The following NPAT variants were observed in gnomAD, a reference collection of about 807,000 sequenced individuals.
NPAT encodes the protein protein NPAT.
A neutral mutation model predicts 130.7 loss-of-function variants in NPAT; 52 were observed. The ratio of observed to expected loss-of-function variants is 0.40; its 90% confidence interval spans 0.32 to 0.50. The LOEUF is 0.50. Among genes scored for constraint, NPAT ranks in the 20% least tolerant of loss-of-function variants. NPAT has a pLI of 0.68. For missense variants in NPAT, 1,687 were observed against 1,662.6 expected (o/e 1.01, Z -0.26); for synonymous variants, 580 against 584.8 (o/e 0.99, Z 0.12).
At position 108,186,463 on chromosome 11, in the gene NPAT, G is replaced by A. The variant is rs373053319; in HGVS notation, c.726+19C>T. The A allele has an allele frequency of 4.7e-5, 75 of 1,599,066 alleles. No individual in the cohort carries two copies. Among genetic ancestry groups the A allele is most frequent in the Non-Finnish European group, 6.1e-5 (71 of 1,166,456 alleles). On this transcript the variant is annotated intron_variant, in intron 8 of 17. Transcript: ENST00000278612. ...ACTCAGGAATATTTTAAGTTGCAAA[G>A]TTTGGCAGAGTCACTTACTTTTTCT...
chr11:108,217,291 G>A (rs879569896), intron 1 of NPAT, among the ~76,000 whole-genome samples: 11 of 152,124 alleles, frequency 7.2e-5, no homozygotes, highest in Non-Finnish European at 1.3e-4. Context: ...CCTTGAACTG[G>A]ACTAACTGGG....
At chr11:108,218,456 G>C (rs1296378092) in intron 1 of NPAT, among the ~76,000 whole-genome samples, 1 of 152,166 alleles carries the variant, frequency 6.6e-6, no homozygotes, top group Non-Finnish European at 1.5e-5. Context: ...AGAAAGATTA[G>C]TAATTTAATG....
chr11:108,167,287 T>A (rs973768355), intron 15 of NPAT, among the ~76,000 whole-genome samples: 5 of 152,220 alleles, frequency 3.3e-5, no homozygotes, highest in South Asian at 2.1e-4. Flanking sequence ...CATGGCTTAC[T>A]TACAGCCTCA....
intron 1 of NPAT, among the ~76,000 whole-genome samples, chr11:108,218,545 C>A (rs2078455550): frequency 6.6e-6 from 1 of 152,106 alleles, no homozygotes; most frequent in African/African-American, 2.4e-5. Flanking sequence ...ATAACAGGGA[C>A]AAGGTTTCTG....
chr11:108,173,489 G>C lies in NPAT; in HGVS notation c.1495C>G (p.Gln499Glu). 1 of 1,614,132 alleles carries C rather than the reference G, an allele frequency of 6.2e-7. No individual in the cohort carries two copies. Among genetic ancestry groups the C allele is most frequent in the Non-Finnish European group, 8.5e-7 (1 of 1,180,018 alleles). ...ATATCAGGCTGATCAGGCTGTAACTGAGATTCACTCGGTACATTTGAAGAC... is the reference window on the plus strand; with the variant it reads ...ATATCAGGCTGATCAGGCTGTAACTCAGATTCACTCGGTACATTTGAAGAC... Reference protein sequence around the residue: ...SLSSNVPSESQLQPDQPDIPI... With the variant: ...SLSSNVPSESELQPDQPDIPI... Residue 499 changes from glutamine to glutamate, a missense_variant, in exon 13 of 18, where the codon CAG becomes GAG. Transcript: ENST00000278612.
chr11:108,199,871 A>G (rs530548384), intron 1 of NPAT, among the ~76,000 whole-genome samples: 3 of 152,180 alleles, frequency 2.0e-5, no homozygotes, highest in Non-Finnish European at 4.4e-5. Flanking sequence ...CAAGACCTCC[A>G]GTCTTTCCTA....
chr11:108,180,230 G>A (rs1240013887), intron 10 of NPAT, among the ~76,000 whole-genome samples: 5 of 152,136 alleles, frequency 3.3e-5, no homozygotes, highest in Non-Finnish European at 5.9e-5. Flanking sequence ...GGGAAGCTGA[G>A]GTGGGAGGGT....
At chr11:108,210,095 T>C (rs1165248030) in intron 1 of NPAT, among the ~76,000 whole-genome samples, 2 of 149,518 alleles carry the variant, frequency 1.3e-5, no homozygotes, top group Non-Finnish European at 3.0e-5. Flanking sequence ...AAAAAGAGAA[T>C]ACTCAAATTA....
At position 108,172,557 on chromosome 11, in the gene NPAT, T is replaced by C; in HGVS notation, c.2427A>G (p.Ser809=). ...VVYAEVGDSA[S]MEQSLLTFKS... ...TGAATGTTAAAAGACTCTGTTCCAT[T>C]GAGGCTGAATCCCCTACTTCGGCAT... Residue 809 remains serine, a synonymous_variant, in exon 13 of 18, where the codon TCA becomes TCG. Transcript: ENST00000278612. 1.2e-6 allele frequency: 2 copies of C among 1,614,162 alleles called. No homozygotes were observed. The highest frequency in any genetic ancestry group is 8.5e-7 in the Non-Finnish European group (1 of 1,180,022).
chr11:108,188,040 T>C, intron 7 of NPAT, 58 bp downstream of exon 7: 1 of 1,221,208 alleles, frequency 8.2e-7, no homozygotes, highest in Non-Finnish European at 1.2e-6. Context: ...CCTGATGTAA[T>C]TCTTTTTTTT....
chr11:108,217,951 C>A (rs2078449216), intron 1 of NPAT, among the ~76,000 whole-genome samples: 1 of 152,164 alleles, frequency 6.6e-6, no homozygotes, highest in Non-Finnish European at 1.5e-5. Flanking sequence ...CAAGATCTCA[C>A]TGCTGCACCC....
Position 108,172,888 on chromosome 11 carries a change from T to A in NPAT, c.2096A>T (p.His699Leu). The A allele has an allele frequency of 6.2e-7, 1 of 1,613,894 alleles. No homozygotes were observed. The change falls in exon 13 of 18, where the codon CAC (histidine) becomes CTC (leucine). Residue 699 changes from histidine to leucine, a missense_variant. By Grantham distance (99) the His-to-Leu change is moderately conservative. Transcript: ENST00000278612. ...ACACACAGATTCTGGAGGAAGAGAGTGACTGTTTTCTACAGGAGTGCCTTC... is the reference window on the plus strand; with the variant it reads ...ACACACAGATTCTGGAGGAAGAGAGAGACTGTTTTCTACAGGAGTGCCTTC... The part of the protein sequence containing the change: ...PPEGTPVENS[H>L]SLPPESVCSS...
At chr11:108,195,250 C>A (rs905775392) in intron 2 of NPAT, among the ~76,000 whole-genome samples, 1 of 151,982 alleles carries the variant, frequency 6.6e-6, no homozygotes, top group Non-Finnish European at 1.5e-5. Flanking sequence ...ATCATATAAT[C>A]ATGTCATAAT....
Position 108,169,965 on chromosome 11 carries a change from C to A in NPAT, c.2864G>T (p.Gly955Val), listed in dbSNP as rs2077935376. 1 of 1,613,946 alleles carries A rather than the reference C, an allele frequency of 6.2e-7. No homozygotes were observed. Among genetic ancestry groups the A allele is most frequent in the East Asian group, 2.2e-5 (1 of 44,862 alleles). Residue 955 changes from glycine to valine, a missense_variant, in exon 14 of 18, where the codon GGA (glycine) becomes GTA (valine). Gly to Val is a moderately radical substitution (Grantham distance 109). Around this residue, in one of 3 missense-constraint regions of NPAT, gnomAD observed 1,379 missense variants for 1,346.6 expected, o/e 1.02. Transcript: ENST00000278612. ...MVGMIPVSVV[G>V]QNGNNFSTPP... ...AGTAGAAAAGTTATTTCCATTCTGT[C>A]CAACCACAGATACTGGGATCATCCC...
Position 108,164,337 on chromosome 11 carries a change from T to C in NPAT, c.3011-2157A>G, listed in dbSNP as rs367785653. On this transcript the variant is annotated intron_variant, in intron 15 of 17. Transcript: ENST00000278612. ...AATGGTAGCACTTCTAAGGCAATGC[T>C]AAGAAGCCCAGGTGTAAAAGTTGAG... Among the ~76,000 whole-genome samples the C allele has an allele frequency of 4.6e-5, 7 of 152,298 alleles. No individual in the cohort carries two copies. In the East Asian group the frequency reaches 9.7e-4, roughly 21 times the overall value.
intron 1 of NPAT, among the ~76,000 whole-genome samples, chr11:108,217,312 T>C (rs1043944616): frequency 6.6e-6 from 1 of 152,218 alleles, no homozygotes; most frequent in Non-Finnish European, 1.5e-5. Flanking sequence ...TAAGTAATTA[T>C]CTTGTTTTTA....
At chr11:108,175,024 T>A (rs2077991247) in intron 12 of NPAT, among the ~76,000 whole-genome samples, 1 of 152,244 alleles carries the variant, frequency 6.6e-6, no homozygotes, top group Admixed American at 6.5e-5. Flanking sequence ...AGAACATTTA[T>A]GTCAACTAGC....
At chr11:108,164,177 G>T (rs954110315) in intron 15 of NPAT, among the ~76,000 whole-genome samples, 19 of 152,226 alleles carry the variant, frequency 1.2e-4, no homozygotes, top group African/African-American at 4.3e-4. Flanking sequence ...GGAGGAGCAG[G>T]ACTAGATTTG....
intron 1 of NPAT, among the ~76,000 whole-genome samples, chr11:108,198,815 G>A (rs551764506): frequency 1.3e-5 from 2 of 152,288 alleles, no homozygotes; most frequent in East Asian, 1.9e-4. Flanking sequence ...CTCTCGTGTC[G>A]AGAGCTGTTT....
Sources: allele counts gnomAD v4.1 joint callset (sites outside exome capture counted in the v4.1 genomes callset), GRCh38; gene constraint gnomAD v4.1.1; regional missense constraint gnomAD v4.1.1; transcripts MANE v1.5; gene names NCBI Gene and HGNC (gene_info 2026-07-23, HGNC 2026-07-21).